The following SLC9A3 variants were observed in gnomAD, a reference collection of about 807,000 sequenced individuals.
SLC9A3 encodes solute carrier family 9 member A3, also known as sodium/hydrogen exchanger 3.
A neutral mutation model predicts 86.8 loss-of-function variants in SLC9A3; 37 were observed. That is an observed-to-expected ratio of 0.43 (90% CI 0.33 to 0.56). The LOEUF (loss-of-function observed/expected upper bound fraction) is 0.56. Ranked by LOEUF, SLC9A3 falls within the 20% of genes least tolerant of loss-of-function variation. The pLI, the probability that SLC9A3 is intolerant of heterozygous loss-of-function variation, is 0.06. For missense variants in SLC9A3, 1,011 were observed against 1,171.9 expected (o/e 0.86, Z 2.00); for synonymous variants, 581 against 528.3 (o/e 1.10, Z -1.37).
intron 9 of SLC9A3, chr5:480,304 A>C: frequency 4.0e-6 from 1 of 251,788 alleles, no homozygotes; most frequent in Non-Finnish European, 7.8e-6. Flanking sequence ...GGGCGGACAG[A>C]CACCCTGAGC....
At chr5:506,302 C>G (rs1405481798) in intron 1 of SLC9A3, among the ~76,000 whole-genome samples, 3 of 152,200 alleles carry the variant, frequency 2.0e-5, no homozygotes, top group Non-Finnish European at 4.4e-5. Context: ...GAAAGGGGCC[C>G]GAGACGGGGG....
At chr5:475,157 C>T in intron 15 of SLC9A3, 25 bp from the exon 16 acceptor site, 1 of 1,548,890 alleles carries the variant, frequency 6.5e-7, no homozygotes, top group African/African-American at 1.4e-5. Context: ...AGCGGCTAGT[C>T]AGCCTTCGGA....
chr5:522,557 C>A (rs1733914320), intron 1 of SLC9A3, among the ~76,000 whole-genome samples: 1 of 152,006 alleles, frequency 6.6e-6, no homozygotes, highest in Non-Finnish European at 1.5e-5. Flanking sequence ...GTCTGGAGTT[C>A]AAGACCAGCC....
chr5:498,161 C>T (rs567839002), intron 1 of SLC9A3, among the ~76,000 whole-genome samples: 47 of 152,316 alleles, frequency 3.1e-4, no homozygotes, highest in African/African-American at 1.1e-3. Flanking sequence ...CCTGCTACTT[C>T]GGGGCCACGT....
At position 487,971 on chromosome 5, in the gene SLC9A3, C is replaced by T. The variant is rs118016143; in HGVS notation, c.675+345G>A. Among the ~76,000 whole-genome samples, 107 of 152,314 alleles carry T rather than the reference C, an allele frequency of 7.0e-4. 1 individual carries two copies. In the East Asian group the frequency reaches 0.017, roughly 24 times the overall value. On this transcript the variant is annotated intron_variant, in intron 3 of 16. Transcript: ENST00000264938. ...GCGTGAGCCACCGCACCCGGCCACT[C>T]ATGTATTTTTTAGGAACTCAGGAAT...
chr5:475,082 G>A lies in SLC9A3; in HGVS notation c.2302C>T (p.Leu768=). 6.2e-7 allele frequency: 1 copy of A among 1,611,224 alleles called. No individual in the cohort carries two copies. ...SPDEALDRSL[L]ARLPPWLSPG... is the part of the protein sequence containing the mutation. ...GACAGCCAGGGCGGCAGCCTGGCCA[G>A]GAGGCTGCGGTCCAGGGCCTCGTCC... is the stretch of plus-strand genomic sequence containing the variant. Residue 768 remains leucine, a synonymous_variant, in exon 16 of 17, where the codon CTG becomes TTG. Coordinates refer to ENST00000264938, the MANE Select transcript of SLC9A3 (RefSeq NM_004174.4).
At chr5:494,575 T>A (rs190475927) in intron 1 of SLC9A3, among the ~76,000 whole-genome samples, 5 of 152,278 alleles carry the variant, frequency 3.3e-5, no homozygotes, top group Middle Eastern at 3.4e-3. Flanking sequence ...CTGATTTTTT[T>A]AATAATGTCC....
Position 485,235 on chromosome 5 carries a change from C to T in SLC9A3, c.676-4G>A. 1 of 1,612,790 alleles carries T rather than the reference C, an allele frequency of 6.2e-7. No individual in the cohort carries two copies. The highest frequency in any genetic ancestry group is 1.1e-5 in the South Asian group (1 of 91,068). On this transcript the variant is annotated splice_region_variant and splice_polypyrimidine_tract_variant and intron_variant, in intron 3 of 16. Coordinates refer to ENST00000264938, the MANE Select transcript of SLC9A3 (RefSeq NM_004174.4). ...ATTCAAACACATTGTACAGAACCTG[C>T]AGGGAAAACGGGCAGGGCGTTGGGT... is the stretch of plus-strand genomic sequence containing the variant.
At chr5:503,908 C>T (rs1262270897) in intron 1 of SLC9A3, among the ~76,000 whole-genome samples, 1 of 152,226 alleles carries the variant, frequency 6.6e-6, no homozygotes, top group Non-Finnish European at 1.5e-5. Flanking sequence ...GGACAGAAGA[C>T]TGGGCCCCCA....
intron 1 of SLC9A3, among the ~76,000 whole-genome samples, chr5:501,162 C>A (rs189410317): frequency 2.0e-5 from 3 of 152,326 alleles, no homozygotes; most frequent in African/African-American, 7.2e-5. Flanking sequence ...CGCTGGCAAA[C>A]CAGACATTTC....
Position 524,149 on chromosome 5 carries a change from GA to G in SLC9A3, c.173del (p.Ile58ThrfsTer53). 6.5e-7 allele frequency: 1 copy of G among 1,542,184 alleles called. No individual in the cohort carries two copies. Among genetic ancestry groups the G allele is most frequent in the East Asian group, 2.6e-5 (1 of 37,736 alleles). ...AGCTGGCCACGAGGATCCAGAGCGC[GA>G]TGACGTAGGGATCCTGCACGTGGGC... ...EWAHVQDPYV[I>X]ALWILVASLA... On this transcript the variant is annotated frameshift_variant, in exon 1 of 17. Coordinates refer to ENST00000264938, the MANE Select transcript of SLC9A3 (RefSeq NM_004174.4). LOFTEE classifies it high-confidence loss of function.
intron 1 of SLC9A3, among the ~76,000 whole-genome samples, chr5:510,956 C>T (rs776248770): frequency 1.3e-5 from 2 of 152,272 alleles, no homozygotes; most frequent in Non-Finnish European, 2.9e-5. Flanking sequence ...CCCCTGGCCA[C>T]AGCCCTTCTT....
Position 482,166 on chromosome 5 carries a change from C to T in SLC9A3, c.1357-9G>A. 2 of 1,605,546 alleles carry T rather than the reference C, an allele frequency of 1.2e-6. No homozygotes were observed. Among genetic ancestry groups the T allele is most frequent in the Non-Finnish European group, 1.7e-6 (2 of 1,174,406 alleles). ...GGCTTGATGGTCAGGCCCTGGAGGACAGGGTCTCGTGACCCTGGTGCCAGG... is the reference window on the plus strand; with the variant it reads ...GGCTTGATGGTCAGGCCCTGGAGGATAGGGTCTCGTGACCCTGGTGCCAGG... On this transcript the variant is annotated splice_polypyrimidine_tract_variant and intron_variant, in intron 7 of 16. Coordinates refer to ENST00000264938, the MANE Select transcript of SLC9A3 (RefSeq NM_004174.4).
intron 3 of SLC9A3, among the ~76,000 whole-genome samples, chr5:486,369 G>C (rs928363055): frequency 4.6e-5 from 7 of 152,212 alleles, no homozygotes; most frequent in Admixed American, 3.9e-4. Context: ...ACTCACTTCC[G>C]GGAGGCAGTG....
chr5:471,800 G>C lies in SLC9A3; in HGVS notation c.*1579C>G. The C allele has an allele frequency of 2.2e-6, 1 of 456,618 alleles. No homozygotes were observed. The highest frequency in any genetic ancestry group is 1.5e-5 in the South Asian group (1 of 64,574). 28.3% of individuals were successfully genotyped at this position (456,618 alleles called of 1,614,324 possible). ...GCTTCTCCGAAGCAGCGGTCATGCA[G>C]GCTTTTGTGTGGCTGACGCTTCCCT... On this transcript the variant is annotated 3_prime_UTR_variant, in exon 17 of 17. Transcript: ENST00000264938.
intron 16 of SLC9A3, among the ~76,000 whole-genome samples, chr5:474,460 A>AG (rs1207638933): frequency 3.2e-5 from 1 of 30,998 alleles, no homozygotes; most frequent in African/African-American, 1.0e-4. Context: ...GGAGACCTGG[A>AG]GGAGAGGAGC....
chr5:502,839 C>T (rs1171275692), intron 1 of SLC9A3, among the ~76,000 whole-genome samples: 1 of 150,656 alleles, frequency 6.6e-6, no homozygotes, highest in African/African-American at 2.5e-5. Flanking sequence ...CGAAAGCCGC[C>T]GTAATGACAC....
intron 1 of SLC9A3, among the ~76,000 whole-genome samples, chr5:516,097 T>C (rs189417043): frequency 7.0e-6 from 1 of 143,186 alleles, no homozygotes; most frequent in East Asian, 2.0e-4. Flanking sequence ...TCCACACTTT[T>C]TGCCTCGGGC....
intron 3 of SLC9A3, among the ~76,000 whole-genome samples, chr5:487,008 CCAGA>C: frequency 2.8e-5 from 1 of 36,346 alleles, no homozygotes. Flanking sequence ...ACACCGTGAT[CCAGA>C]CCGCACTGAC....
Sources: allele counts gnomAD v4.1 joint callset (sites outside exome capture counted in the v4.1 genomes callset), GRCh38; gene constraint gnomAD v4.1.1; transcripts MANE v1.5; gene names NCBI Gene and HGNC (gene_info 2026-07-23, HGNC 2026-07-21).